YIPF6: variants seen among roughly 807,000 people sequenced by gnomAD.
YIPF6 encodes the protein protein YIPF6.
Under a neutral mutation model 16.8 loss-of-function variants are expected in YIPF6, and 3 were observed. The observed-to-expected ratio is 0.18, with a 90% confidence interval of 0.08 to 0.46. YIPF6 has a LOEUF of 0.46. Ranked by LOEUF, YIPF6 falls within the 20% of genes least tolerant of loss-of-function variation. The pLI is 0.98. For missense variants in YIPF6, 145 were observed against 184.9 expected, an observed-to-expected ratio of 0.78 and a Z score of 1.25; for synonymous variants, 67 against 61.9, an observed-to-expected ratio of 1.08 and a Z score of -0.38.
At chrX:68,509,739 A>G (rs992744926) in intron 1 of YIPF6, among the ~76,000 whole-genome samples, 1 of 111,086 alleles carries the variant, frequency 9.0e-6, no homozygotes, top group Admixed American at 9.6e-5. Context: ...TTAGTAGTAG[A>G]GAGCTTTTCC....
rs1370916472 is a variant in YIPF6, at chrX:68,534,395, C to T, written c.*2396C>T. On this transcript the variant is annotated 3_prime_UTR_variant, in exon 7 of 7. Coordinates refer to ENST00000462683, the MANE Select transcript of YIPF6 (RefSeq NM_173834.4). ...CTATACATGATGTTAACATCATTCT[C>T]GAACAGTTGTTGGCCGAAGATTCAT... The T allele has an allele frequency of 9.0e-6, 1 of 111,179 alleles. No individual in the cohort carries two copies. Among genetic ancestry groups the T allele is most frequent in the African/African-American group, 3.3e-5 (1 of 30,511 alleles). The allele number at this position is 111,179 out of a possible 1,213,427, so 9.2% of individuals were successfully genotyped here.
intron 1 of YIPF6, among the ~76,000 whole-genome samples, chrX:68,502,770 T>C (rs1367807217): frequency 3.6e-5 from 4 of 110,441 alleles, no homozygotes; most frequent in African/African-American, 9.9e-5. Flanking sequence ...TCTTGGGTAA[T>C]GCCTGTATTT....
At position 68,502,764 on chromosome X, in the gene YIPF6, G is replaced by A. The variant is rs534208659; in HGVS notation, c.57+3641G>A. On this transcript the variant is annotated intron_variant, in intron 1 of 6. Coordinates refer to ENST00000462683, the MANE Select transcript of YIPF6 (RefSeq NM_173834.4). ...CACAGGGTTAAAAAGACAGAATCTT[G>A]GGTAATGCCTGTATTTAGGGGGCAG... Among the ~76,000 whole-genome samples, 3 of 110,650 alleles carry A rather than the reference G, an allele frequency of 2.7e-5. No individual in the cohort carries two copies. The South Asian group carries it at 1.1e-3, about 42-fold the overall frequency.
chrX:68,522,374 G>T (rs1439830627), intron 5 of YIPF6, among the ~76,000 whole-genome samples: 1 of 108,741 alleles, frequency 9.2e-6, no homozygotes, highest in Admixed American at 9.9e-5. Flanking sequence ...TCAGCTCACT[G>T]CAACCTCCAC....
In YIPF6 at chrX:68,513,364, A is replaced by G. The variant is rs2079088621; in HGVS notation, c.224A>G (p.His75Arg). 13 of 1,205,088 alleles carry G rather than the reference A, an allele frequency of 1.1e-5. No individual in the cohort carries two copies. The highest frequency in any genetic ancestry group is 1.5e-5 in the Non-Finnish European group (13 of 893,433). Residue 75 changes from histidine (H) to arginine (R), a missense_variant, in exon 3 of 7, where the codon CAT becomes CGT. Transcript: ENST00000462683. Reference protein sequence around the residue: ...DLKAVGKKFMHVLYPRKSNTL... With the variant: ...DLKAVGKKFMRVLYPRKSNTL... Reference sequence around the variant, plus strand: ...AAAGCTGTTGGGAAAAAATTCATGCATGTTTTGTACCCAAGGAAAAGTAAT... The same window carrying G: ...AAAGCTGTTGGGAAAAAATTCATGCGTGTTTTGTACCCAAGGAAAAGTAAT...
chrX:68,531,101 G>T (rs2147828140), intron 6 of YIPF6, among the ~76,000 whole-genome samples: 1 of 103,731 alleles, frequency 9.6e-6, no homozygotes, highest in African/African-American at 3.9e-5. Context: ...CCAGCGAGAG[G>T]AATGATTCTT....
At position 68,507,481 on chromosome X, in the gene YIPF6, A is replaced by C. The variant is rs745969163; in HGVS notation, c.58-4368A>C. 6.3e-5 allele frequency among the ~76,000 whole-genome samples: 7 copies of C among 111,088 alleles called. No individual in the cohort carries two copies. In the South Asian group the frequency reaches 2.2e-3, roughly 35 times the overall value. On this transcript the variant is annotated intron_variant, in intron 1 of 6. Coordinates refer to ENST00000462683, the MANE Select transcript of YIPF6 (RefSeq NM_173834.4). ...TTGCTGGGTTTAGAATTCAGTGTTG[A>C]TAGTTTTATTCTTTTAGCACTCTAA...
chrX:68,516,852 C>G (rs988486569), intron 3 of YIPF6, among the ~76,000 whole-genome samples: 1 of 110,670 alleles, frequency 9.0e-6, no homozygotes, highest in Admixed American at 9.6e-5. Flanking sequence ...GCTCTGTCAC[C>G]CAGGCTGGAG....
chrX:68,512,919 A>ATAC (rs942823520), intron 2 of YIPF6, among the ~76,000 whole-genome samples: 1 of 110,322 alleles, frequency 9.1e-6, no homozygotes, highest in Non-Finnish European at 1.9e-5. Context: ...ATTGCAAAGA[A>ATAC]TGTAGTAGCT....
In YIPF6 at chrX:68,518,228, C is replaced by T. The variant is rs561028260; in HGVS notation, c.266-542C>T. On this transcript the variant is annotated intron_variant, in intron 3 of 6. Coordinates refer to ENST00000462683, the MANE Select transcript of YIPF6 (RefSeq NM_173834.4). Reference sequence around the variant, plus strand: ...CAGAGGATGCTATGAGCTGAGATTGCGCCATTGCACTCCAGCCTGGGCAAC... The same window carrying T: ...CAGAGGATGCTATGAGCTGAGATTGTGCCATTGCACTCCAGCCTGGGCAAC... Among the ~76,000 whole-genome samples the T allele has an allele frequency of 3.1e-3, 321 of 104,258 alleles. 1 individual carries two copies. Among genetic ancestry groups the T allele is most frequent in the South Asian group, 8.7e-3 (19 of 2,189 alleles). The allele number at this position is 104,258 out of a possible 115,157, so 90.5% of individuals were successfully genotyped here.
At chrX:68,504,365 G>A (rs1437329877) in intron 1 of YIPF6, among the ~76,000 whole-genome samples, 1 of 111,070 alleles carries the variant, frequency 9.0e-6, no homozygotes, top group Non-Finnish European at 1.9e-5. Context: ...CACCACTCCC[G>A]AAAGTTTGGG....
chrX:68,519,703 C>T lies in YIPF6; in HGVS notation c.308+891C>T, dbSNP rs765955981. Among the ~76,000 whole-genome samples the T allele has an allele frequency of 2.6e-4, 29 of 110,205 alleles. No individual in the cohort carries two copies. The East Asian group carries it at 8.0e-3, about 31-fold the overall frequency. On this transcript the variant is annotated intron_variant, in intron 4 of 6. Coordinates refer to ENST00000462683, the MANE Select transcript of YIPF6 (RefSeq NM_173834.4). The stretch of plus-strand genomic sequence containing the variant: ...TCTGTAAAGGGAGTGGTTGAGGGTC[C>T]TTTCCAGGCTTAACCCTTTATGGGT...
intron 1 of YIPF6, among the ~76,000 whole-genome samples, chrX:68,506,330 A>G (rs920630238): frequency 9.0e-6 from 1 of 110,766 alleles, no homozygotes; most frequent in East Asian, 2.8e-4. Context: ...CTACAGCCCT[A>G]CCTACTTTCT....
At chrX:68,521,324 G>T in intron 4 of YIPF6, 48 bp from the exon 5 acceptor site, 1 of 1,188,015 alleles carries the variant, frequency 8.4e-7, no homozygotes, top group South Asian at 1.9e-5. Flanking sequence ...TAACTTTGTT[G>T]CCCTAAGTAA....
In YIPF6 at chrX:68,533,699, A is replaced by G. The variant is rs931613289; in HGVS notation, c.*1700A>G. 10 of 111,804 alleles carry G rather than the reference A, an allele frequency of 8.9e-5. No homozygotes were observed. The highest frequency in any genetic ancestry group is 2.9e-4 in the African/African-American group (9 of 30,765). 9.2% of individuals were successfully genotyped at this position (111,804 alleles called of 1,213,427 possible). On this transcript the variant is annotated 3_prime_UTR_variant, in exon 7 of 7. Transcript: ENST00000462683. The stretch of plus-strand genomic sequence containing the variant: ...CTATTTATTACAATTTACCTTTTAA[A>G]TTGTAAAATAAACCTTTGTGTGGAC...
chrX:68,502,898 G>A (rs910511888), intron 1 of YIPF6, among the ~76,000 whole-genome samples: 1 of 107,279 alleles, frequency 9.3e-6, no homozygotes, highest in African/African-American at 3.4e-5. Context: ...GTGCCACCTC[G>A]GCTCACTGCA....
At chrX:68,503,080 C>T (rs1424348301) in intron 1 of YIPF6, among the ~76,000 whole-genome samples, 1 of 111,512 alleles carries the variant, frequency 9.0e-6, no homozygotes, top group Non-Finnish European at 1.9e-5. Context: ...TGGAAGATCT[C>T]AGGCTATGAG....
rs1297001564 is a variant in YIPF6 at position 68,535,460 on chromosome X, A to G, written c.*3461A>G. 8.9e-6 allele frequency: 1 copy of G among 112,224 alleles called. No individual in the cohort carries two copies. Among genetic ancestry groups the G allele is most frequent in the Admixed American group, 9.5e-5 (1 of 10,541 alleles). 9.2% of individuals were successfully genotyped at this position (112,224 alleles called of 1,213,427 possible). A position where few individuals can be genotyped will look rare whatever the true frequency, so the allele number is the denominator to read the frequency against. On this transcript the variant is annotated 3_prime_UTR_variant, in exon 7 of 7. Coordinates refer to ENST00000462683, the MANE Select transcript of YIPF6 (RefSeq NM_173834.4). ...CATGATTTGATAAGACATCCATTGCATGCAGCTGTTTTAGCTCAGTGCAAA... is the reference window on the plus strand; with the variant it reads ...CATGATTTGATAAGACATCCATTGCGTGCAGCTGTTTTAGCTCAGTGCAAA...
chrX:68,531,368 G>A (rs1453514890), intron 6 of YIPF6, among the ~76,000 whole-genome samples: 1 of 111,542 alleles, frequency 9.0e-6, no homozygotes, highest in East Asian at 2.8e-4. Flanking sequence ...CTGGTGATCC[G>A]CCTGCCTTTG....
Sources: allele counts gnomAD v4.1 joint callset (sites outside exome capture counted in the v4.1 genomes callset), GRCh38; gene constraint gnomAD v4.1.1; transcripts MANE v1.5; gene names NCBI Gene and HGNC (gene_info 2026-07-23, HGNC 2026-07-21).